The following WNT11 variants were observed in gnomAD, a reference collection of about 807,000 sequenced individuals.
WNT11 encodes protein Wnt-11.
Under a neutral mutation model 35.6 loss-of-function variants are expected in WNT11, and 20 were observed. The observed-to-expected ratio is 0.56, with a 90% CI of 0.40 to 0.82. WNT11 has a LOEUF of 0.82. Ranked by LOEUF, WNT11 falls within the 40% of genes least tolerant of loss-of-function variation. The pLI, the probability that WNT11 is intolerant of heterozygous loss-of-function variation, is 0.00. For missense variants in WNT11, 459 were observed against 504.4 expected (o/e 0.91, Z 0.86); for synonymous variants, 200 against 211.9 (o/e 0.94, Z 0.49).
Position 76,206,478 on chromosome 11 carries a change from G to A in WNT11, c.-71C>T. ...GCCGAAGTCCTCCGCCTGCACGGCCGCCGCTGGTCCTGCACGCCGCCTGCA... is the reference window on the plus strand; with the variant it reads ...GCCGAAGTCCTCCGCCTGCACGGCCACCGCTGGTCCTGCACGCCGCCTGCA... On this transcript the variant is annotated 5_prime_UTR_variant, in exon 1 of 5. Transcript: ENST00000322563. 1.5e-6 allele frequency: 2 copies of A among 1,312,698 alleles called. No individual in the cohort carries two copies. The highest frequency in any genetic ancestry group is 4.2e-5 in the South Asian group (2 of 48,028). The allele number at this position is 1,312,698 out of a possible 1,614,324, so 81.3% of individuals were successfully genotyped here.
At chr11:76,203,361 C>T (rs528742700) in intron 1 of WNT11, among the ~76,000 whole-genome samples, 127 of 152,356 alleles carry the variant, frequency 8.3e-4, no homozygotes, top group Non-Finnish European at 1.6e-3. Context: ...GCCCCACCTC[C>T]GTGGGAGTGG....
In WNT11 at chr11:76,186,971, C is replaced by A. The variant is rs113830043; in HGVS notation, c.*94G>T. 6.4e-7 allele frequency: 1 copy of A among 1,568,978 alleles called. No individual in the cohort carries two copies. The highest frequency in any genetic ancestry group is 1.1e-5 in the South Asian group (1 of 88,142). On this transcript the variant is annotated 3_prime_UTR_variant, in exon 5 of 5. Coordinates refer to ENST00000322563, the MANE Select transcript of WNT11 (RefSeq NM_004626.3). Reference sequence around the variant, plus strand: ...ATGCCTGGCATCTGGAATTCACAAGCAGAGCTCCATGGAGTGTCTCCAGGC... The same window carrying A: ...ATGCCTGGCATCTGGAATTCACAAGAAGAGCTCCATGGAGTGTCTCCAGGC...
At chr11:76,190,854 C>T (rs1031830829) in intron 4 of WNT11, 1 of 152,216 alleles carries the variant, frequency 6.6e-6, no homozygotes, top group African/African-American at 2.4e-5. Context: ...TCGCCAGCAC[C>T]GTCTTTGGGA....
rs199900382 is a variant in WNT11, at chr11:76,187,101, C to A, written c.1029G>T (p.Arg343Ser). The A allele has an allele frequency of 8.6e-5, 138 of 1,612,054 alleles. No homozygotes were observed. Among genetic ancestry groups the A allele is most frequent in the Non-Finnish European group, 1.1e-4 (131 of 1,180,036 alleles). ...YHWCCYVTCRRCERTVERYVC... is the reference protein window; with the variant it reads ...YHWCCYVTCRSCERTVERYVC... The stretch of plus-strand genomic sequence containing the variant: ...CATAGCGCTCCACGGTACGCTCACA[C>A]CTGCGGCAGGTGACGTAGCAGCACC... The change falls in exon 5 of 5, where the codon AGG (arginine) becomes AGT (serine). Residue 343 changes from arginine (R) to serine (S), a missense_variant. Physicochemically the swap from Arg to Ser is moderately radical, Grantham distance 110. Coordinates refer to ENST00000322563, the MANE Select transcript of WNT11 (RefSeq NM_004626.3).
At chr11:76,200,883 G>C (rs1447079108) in intron 1 of WNT11, among the ~76,000 whole-genome samples, 1 of 152,266 alleles carries the variant, frequency 6.6e-6, no homozygotes, top group Non-Finnish European at 1.5e-5. Context: ...TGGGCGTTCA[G>C]GCAGTGAAGG....
chr11:76,210,266 C>T, upstream of WNT11: 1 of 300,330 alleles, frequency 3.3e-6, no homozygotes, highest in Non-Finnish European at 4.9e-6. Context: ...CGTCCCCAGG[C>T]TCCCGAGGCT....
chr11:76,197,314 C>T (rs1306612930), intron 1 of WNT11, among the ~76,000 whole-genome samples: 1 of 152,244 alleles, frequency 6.6e-6, no homozygotes, highest in Non-Finnish European at 1.5e-5. Flanking sequence ...AAGAGCCACT[C>T]AGTTTTGTGA....
chr11:76,208,300 G>C (rs750993178), upstream of WNT11, among the ~76,000 whole-genome samples: 1 of 152,240 alleles, frequency 6.6e-6, no homozygotes, highest in Non-Finnish European at 1.5e-5. Context: ...GGAAGGCGAG[G>C]AGAAGCCTGG....
chr11:76,202,227 G>A (rs1953390540), intron 1 of WNT11, among the ~76,000 whole-genome samples: 1 of 152,134 alleles, frequency 6.6e-6, no homozygotes, highest in Non-Finnish European at 1.5e-5. Context: ...ATGGGGTGAG[G>A]TCAACAGATG....
At chr11:76,195,242 C>T (rs562163789) in intron 2 of WNT11, among the ~76,000 whole-genome samples, 1 of 152,378 alleles carries the variant, frequency 6.6e-6, no homozygotes, top group African/African-American at 2.4e-5. Context: ...TGTTCAAGTC[C>T]TGACCCCTGT....
At chr11:76,187,549 GA>G (rs1565189714) in intron 4 of WNT11, among the ~76,000 whole-genome samples, 1 of 151,868 alleles carries the variant, frequency 6.6e-6, no homozygotes, top group Non-Finnish European at 1.5e-5. Context: ...CTGCAGCCTT[GA>G]CCCCCGCCTT....
intron 3 of WNT11, 55 bp from the exon 4 acceptor site, chr11:76,191,911 C>A: frequency 6.5e-7 from 1 of 1,540,862 alleles, no homozygotes; most frequent in Admixed American, 1.8e-5. Context: ...CCTGGCCTGA[C>A]CCGGGACCCC....
At chr11:76,209,339 C>T (rs1953523701), upstream of WNT11, among the ~76,000 whole-genome samples, 1 of 152,198 alleles carries the variant, frequency 6.6e-6, no homozygotes, top group African/African-American at 2.4e-5. Flanking sequence ...AACAGATGGT[C>T]ATAGGCCCGG....
chr11:76,195,269 T>C (rs942491837), intron 2 of WNT11, among the ~76,000 whole-genome samples: 2 of 152,324 alleles, frequency 1.3e-5, no homozygotes, highest in East Asian at 1.9e-4. Flanking sequence ...GAGCATAATC[T>C]TATGACGAAG....
intron 1 of WNT11, among the ~76,000 whole-genome samples, chr11:76,198,064 G>A (rs1429946740): frequency 6.6e-6 from 1 of 152,242 alleles, no homozygotes; most frequent in Non-Finnish European, 1.5e-5. Context: ...GGTCAGGGCT[G>A]AGACCTGGCA....
chr11:76,206,506 C>G (rs1001229491), upstream of WNT11: 44 of 1,244,090 alleles, frequency 3.5e-5, no homozygotes, highest in Non-Finnish European at 4.3e-5. Context: ...CGCCTGCAGC[C>G]GGGGAGAGCG....
Position 76,194,590 on chromosome 11 carries a change from G to A in WNT11, c.574C>T (p.His192Tyr). 2 of 1,550,210 alleles carry A rather than the reference G, an allele frequency of 1.3e-6. No homozygotes were observed. Among genetic ancestry groups the A allele is most frequent in the South Asian group, 2.4e-5 (2 of 83,994 alleles). Residue 192 changes from histidine to tyrosine, a missense_variant, in exon 3 of 5, where the codon CAC (histidine) becomes TAC (tyrosine). His to Tyr is a moderately conservative substitution (Grantham distance 83, BLOSUM62 2). Transcript: ENST00000322563. This position sits in a 1 kb window ranked among gnomAD's most constrained non-coding sequence, Gnocchi z 5.4. ...GSQANKLMRL[H>Y]NSEVGRQALR... ...ACCTGTCTCCCCACTTCACTGTTGT[G>A]TAGACGCATCAGTTTATTGGCTTGG...
intron 1 of WNT11, among the ~76,000 whole-genome samples, chr11:76,200,386 G>C (rs1953356409): frequency 6.6e-6 from 1 of 152,196 alleles, no homozygotes; most frequent in Non-Finnish European, 1.5e-5. Flanking sequence ...TCCTGGGTGG[G>C]CTCTGACCAC....
Position 76,194,542 on chromosome 11 carries a change from G to GGGGGTGGGT in WNT11, c.597+16_597+24dup. ...GCCAATGGCACAAGCACAACTATCT[G>GGGGGTGGGT]GGGGTGGGTGGGGTGGGTGGTTACC... On this transcript the variant is annotated intron_variant, in intron 3 of 4. Coordinates refer to ENST00000322563, the MANE Select transcript of WNT11 (RefSeq NM_004626.3). This position sits in a 1 kb window ranked among gnomAD's most constrained non-coding sequence, Gnocchi z 5.4. The GGGGGTGGGT allele has an allele frequency of 2.0e-6, 3 of 1,531,714 alleles. No individual in the cohort carries two copies. The highest frequency in any genetic ancestry group is 2.6e-6 in the Non-Finnish European group (3 of 1,135,440). 94.9% of individuals were successfully genotyped at this position (1,531,714 alleles called of 1,614,324 possible). A position where few individuals can be genotyped will look rare whatever the true frequency, so the allele number is the denominator to read the frequency against.
Sources: allele counts gnomAD v4.1 joint callset (sites outside exome capture counted in the v4.1 genomes callset), GRCh38; gene constraint gnomAD v4.1.1; non-coding constraint Gnocchi (gnomAD v3.1); transcripts MANE v1.5; gene names NCBI Gene and HGNC (gene_info 2026-07-23, HGNC 2026-07-21).